The following PTPRN2 variants were observed in gnomAD, a reference collection of about 807,000 sequenced individuals.
PTPRN2 encodes the protein receptor-type tyrosine-protein phosphatase N2.
PTPRN2 carries 74 observed loss-of-function variants against 118.8 expected under a neutral mutation model. The ratio of observed to expected loss-of-function variants is 0.62; its 90% CI spans 0.52 to 0.76. The LOEUF (loss-of-function observed/expected upper bound fraction) is 0.76. PTPRN2 is among the 30% of genes least tolerant of loss of function. The pLI, the probability that PTPRN2 is intolerant of heterozygous loss-of-function variation, is 0.00. For synonymous variants in PTPRN2, 641 were observed against 608.0 expected (o/e 1.05, Z -0.80); for missense variants, 1,481 against 1,394.4 (o/e 1.06, Z -0.99).
intron 11 of PTPRN2, among the ~76,000 whole-genome samples, chr7:157,982,586 GT>G (rs1803358769): frequency 7.6e-6 from 1 of 131,776 alleles, no homozygotes; most frequent in African/African-American, 2.9e-5. Context: ...ATAGAGACGA[GT>G]AGGGGAATGC....
rs183400853 is a variant in PTPRN2 at position 158,471,477 on chromosome 7, C to T, written c.163+18258G>A. ...GGCCGACGCGGGTGGATCACAAGGT[C>T]AGGAGATCGAGACCAACCTGGCCAA... On this transcript the variant is annotated intron_variant, in intron 2 of 22. Transcript: ENST00000389418. Among the ~76,000 whole-genome samples the T allele has an allele frequency of 9.8e-5, 15 of 152,314 alleles. No homozygotes were observed. In the East Asian group the frequency reaches 2.7e-3, roughly 27 times the overall value.
At chr7:157,948,894 AT>A (rs1056766146) in intron 11 of PTPRN2, among the ~76,000 whole-genome samples, 2 of 152,132 alleles carry the variant, frequency 1.3e-5, no homozygotes, top group Non-Finnish European at 2.9e-5. Flanking sequence ...TTATATGCAG[AT>A]TTTTTTCAAC....
At chr7:157,648,532 A>G (rs369625519) in intron 14 of PTPRN2, among the ~76,000 whole-genome samples, 81 of 100,546 alleles carry the variant, frequency 8.1e-4, no homozygotes, top group East Asian at 1.0e-3. Context: ...TCGGTGGGTC[A>G]GACCCTTTCA....
chr7:158,320,872 T>C (rs1802956329), intron 2 of PTPRN2, among the ~76,000 whole-genome samples: 1 of 152,134 alleles, frequency 6.6e-6, no homozygotes. Flanking sequence ...GGATACTGGA[T>C]TCCCCCAAAT....
At chr7:157,954,843 CT>C (rs1341332991) in intron 11 of PTPRN2, among the ~76,000 whole-genome samples, 5 of 152,152 alleles carry the variant, frequency 3.3e-5, no homozygotes, top group Non-Finnish European at 5.9e-5. Context: ...GTTTAAGTAT[CT>C]CATATGTTTT....
At position 158,016,350 on chromosome 7, in the gene PTPRN2, G is replaced by A. The variant is rs79597883; in HGVS notation, c.1723+64948C>T. Among the ~76,000 whole-genome samples, 117 of 152,318 alleles carry A rather than the reference G, an allele frequency of 7.7e-4. No homozygotes were observed. The East Asian group carries it at 0.019, about 24-fold the overall frequency. On this transcript the variant is annotated intron_variant, in intron 11 of 22. Coordinates refer to ENST00000389418, the MANE Select transcript of PTPRN2 (RefSeq NM_002847.5). ...CCCGCCGGGCCCACAGCACAGACGC[G>A]CCTGGCTGAAGGGCGAGGGGGAGTG...
At chr7:157,754,009 C>T (rs997200758) in intron 12 of PTPRN2, among the ~76,000 whole-genome samples, 7 of 152,366 alleles carry the variant, frequency 4.6e-5, no homozygotes, top group Middle Eastern at 6.8e-3. Context: ...TCTGGTTCCC[C>T]GCTCCCCTAT....
chr7:158,257,645 G>A (rs1042145859), intron 3 of PTPRN2, among the ~76,000 whole-genome samples: 4 of 152,196 alleles, frequency 2.6e-5, no homozygotes, highest in Admixed American at 6.5e-5. Context: ...AGCCCACTTC[G>A]CTCAGCCTGG....
At chr7:158,083,494 G>A (rs945996348) in intron 10 of PTPRN2, among the ~76,000 whole-genome samples, 5 of 152,236 alleles carry the variant, frequency 3.3e-5, no homozygotes, top group Admixed American at 2.0e-4. Context: ...TTTCCCTCAC[G>A]TGCTGAAAGT....
At chr7:158,004,022 G>A (rs909375451) in intron 11 of PTPRN2, among the ~76,000 whole-genome samples, 8 of 152,282 alleles carry the variant, frequency 5.3e-5, no homozygotes, top group East Asian at 1.9e-4. Flanking sequence ...AGAAGACTCC[G>A]GCTCTCGGAT....
At chr7:157,595,471 GGAA>G in intron 16 of PTPRN2, among the ~76,000 whole-genome samples, 156 bp from the exon 17 acceptor site, 1 of 148,984 alleles carries the variant, frequency 6.7e-6, no homozygotes, top group African/African-American at 2.6e-5. Flanking sequence ...CTGGGGGTTA[GGAA>G]GCCAGGAGGT....
chr7:157,550,883 C>T lies in PTPRN2; in HGVS notation c.2903-1864G>A, dbSNP rs1466446412. Among the ~76,000 whole-genome samples, 3 of 152,182 alleles carry T rather than the reference C, an allele frequency of 2.0e-5. No individual in the cohort carries two copies. The highest frequency in any genetic ancestry group is 1.9e-4 in the East Asian group (1 of 5,190). ...CCAAAGGCCTAAAAAGTCGACAAGG[C>T]TACAGTAAATACAATCTTGTTTTAA... On this transcript the variant is annotated intron_variant, in intron 21 of 22. Transcript: ENST00000389418. This position sits in a 1 kb window ranked among gnomAD's most constrained non-coding sequence, Gnocchi z 5.2.
At chr7:158,253,471 C>T (rs1281652607) in intron 3 of PTPRN2, among the ~76,000 whole-genome samples, 1 of 152,222 alleles carries the variant, frequency 6.6e-6, no homozygotes. Context: ...CGGGTGATTG[C>T]CGCGCCTGTT....
At chr7:158,173,985 C>A (rs1331753107) in intron 5 of PTPRN2, among the ~76,000 whole-genome samples, 1 of 152,162 alleles carries the variant, frequency 6.6e-6, no homozygotes, top group Non-Finnish European at 1.5e-5. Flanking sequence ...ACCATTAATG[C>A]AATCATCACA....
At chr7:158,469,781 T>G (rs1355768854) in intron 2 of PTPRN2, among the ~76,000 whole-genome samples, 2 of 151,774 alleles carry the variant, frequency 1.3e-5, no homozygotes, top group Non-Finnish European at 2.9e-5. Context: ...CTGGGATTTG[T>G]TCTAGTGCCA....
chr7:157,898,931 G>A (rs1328004259), intron 11 of PTPRN2, among the ~76,000 whole-genome samples, 194 bp from the exon 12 acceptor site: 4 of 152,160 alleles, frequency 2.6e-5, no homozygotes, highest in African/African-American at 9.7e-5. Context: ...CCCAGTGTGC[G>A]TCCACCTCGG....
chr7:157,803,224 C>T (rs2151100419), intron 12 of PTPRN2, among the ~76,000 whole-genome samples: 1 of 152,340 alleles, frequency 6.6e-6, no homozygotes, highest in African/African-American at 2.4e-5. Flanking sequence ...CTTTGCCTCC[C>T]AAAGTGCTGG....
At chr7:158,108,516 T>A (rs577091532) in intron 10 of PTPRN2, among the ~76,000 whole-genome samples, 1 of 152,274 alleles carries the variant, frequency 6.6e-6, no homozygotes, top group South Asian at 2.1e-4. Context: ...CTGGCATGTA[T>A]GGAGCCCCCT....
intron 11 of PTPRN2, among the ~76,000 whole-genome samples, chr7:157,978,853 A>T (rs1372538886): frequency 2.0e-5 from 3 of 151,996 alleles, no homozygotes; most frequent in Admixed American, 1.3e-4. Flanking sequence ...GGGCTGACAG[A>T]CGAGACCCCA....
Sources: gnomAD v4.1 joint callset for allele counts (sites outside exome capture counted in the v4.1 genomes callset) on GRCh38, gnomAD v4.1.1 for gene constraint, Gnocchi (gnomAD v3.1) non-coding constraint, MANE v1.5 for transcripts, NCBI Gene and HGNC (gene_info 2026-07-23, HGNC 2026-07-21) for gene names.